The following MTIF2 variants were observed in gnomAD, a reference collection of about 807,000 sequenced individuals.
The protein encoded by MTIF2 is mitochondrial translational initiation factor 2.
A neutral mutation model predicts 83.5 loss-of-function variants in MTIF2; 71 were observed. That is an observed-to-expected ratio of 0.85 (90% CI 0.70 to 1.04). The LOEUF (loss-of-function observed/expected upper bound fraction) is 1.04, where lower values mean the gene tolerates loss of function less well. Ranked by LOEUF, MTIF2 falls within the 50% of genes least tolerant of loss-of-function variation. MTIF2 has a pLI of 0.00. For missense variants in MTIF2, 957 were observed against 846.5 expected (o/e 1.13, Z -1.62); for synonymous variants, 319 against 287.1 (o/e 1.11, Z -1.12).
At chr2:55,239,252 A>T (rs1676120791) in intron 14 of MTIF2, among the ~76,000 whole-genome samples, 1 of 151,714 alleles carries the variant, frequency 6.6e-6, no homozygotes, top group Admixed American at 6.5e-5. Context: ...TTAGTTCTGT[A>T]GTTTTATAAG....
intron 5 of MTIF2, among the ~76,000 whole-genome samples, chr2:55,255,368 A>C (rs1167937058): frequency 6.8e-6 from 1 of 147,796 alleles, no homozygotes; most frequent in Non-Finnish European, 1.5e-5. Context: ...TTCTGTTTAA[A>C]GATACTATAT....
At position 55,236,700 on chromosome 2, in the gene MTIF2, CAA is replaced by C; in HGVS notation, c.2130_2131del (p.Cys711LeufsTer2). 1 of 1,604,526 alleles carries C rather than the reference CAA, an allele frequency of 6.2e-7. No individual in the cohort carries two copies. The highest frequency in any genetic ancestry group is 8.5e-7 in the Non-Finnish European group (1 of 1,177,378). ...GGCTTGAATTTGCTTTTCTTCATAA[CAA>C]ACAATTCTGTCTCCCACTTGAAATT... On this transcript the variant is annotated frameshift_variant, in exon 16 of 16. Coordinates refer to ENST00000263629, the MANE Select transcript of MTIF2 (RefSeq NM_002453.3). LOFTEE classifies it high-confidence loss of function.
rs370974618 is a variant in MTIF2 at position 55,240,060 on chromosome 2, T to C, written c.1821A>G (p.Gln607=). Residue 607 remains glutamine (Q), a synonymous_variant, in exon 14 of 16, where the codon CAA becomes CAG. Coordinates refer to ENST00000263629, the MANE Select transcript of MTIF2 (RefSeq NM_002453.3). ...AGGGTAATCTGCTGCTCAGTTCCTC[T>C]TGCAAATCTTCAACAAGACGGTAAA... The part of the protein sequence containing the change: ...KIIYRLVEDL[Q]EELSSRLPCA... The C allele has an allele frequency of 4.3e-6, 7 of 1,613,448 alleles. No individual in the cohort carries two copies. In the East Asian group the frequency reaches 8.9e-5, roughly 21 times the overall value.
chr2:55,240,088 AT>A lies in MTIF2; in HGVS notation c.1792del (p.Ile598Ter), dbSNP rs1676191328. The A allele has an allele frequency of 6.2e-7, 1 of 1,613,858 alleles. No individual in the cohort carries two copies. The highest frequency in any genetic ancestry group is 8.5e-7 in the Non-Finnish European group (1 of 1,179,988). ...CAAATCTTCAACAAGACGGTAAATT[AT>A]TTTGTGAAGTTTAATTTTTACTCCT... ...KKGVKIKLHK[I>X]IYRLVEDLQE... On this transcript the variant is annotated frameshift_variant, in exon 14 of 16. Coordinates refer to ENST00000263629, the MANE Select transcript of MTIF2 (RefSeq NM_002453.3). LOFTEE classifies it high-confidence loss of function.
intron 5 of MTIF2, among the ~76,000 whole-genome samples, chr2:55,261,050 G>A (rs1408330037): frequency 1.3e-5 from 2 of 151,262 alleles, no homozygotes; most frequent in South Asian, 2.1e-4. Context: ...GCAGTGGCGC[G>A]ATCTCGGCTC....
chr2:55,257,841 G>A (rs1302973668), intron 5 of MTIF2, among the ~76,000 whole-genome samples: 1 of 152,178 alleles, frequency 6.6e-6, no homozygotes, highest in Middle Eastern at 3.2e-3. Context: ...TGTCGCCCTG[G>A]CTGGAGTGCA....
At chr2:55,245,167 A>C (rs144824942) in intron 10 of MTIF2, among the ~76,000 whole-genome samples, 203 of 152,370 alleles carry the variant, frequency 1.3e-3, no homozygotes, top group African/African-American at 4.7e-3. Flanking sequence ...AGCCAGTTAC[A>C]AATGGACACA....
Position 55,244,229 on chromosome 2 carries a change from C to G in MTIF2, c.1111G>C (p.Val371Leu). Reference sequence around the variant, plus strand: ...CCTCTTTGAATTATAGCTGTAGTAACAAGACTAAAATGAAAATAAAAGTAT... The same window carrying G: ...CCTCTTTGAATTATAGCTGTAGTAAGAAGACTAAAATGAAAATAAAAGTAT... ...ESFTDKGRGLVTTAIIQRGTL... is the reference protein window; with the variant it reads ...ESFTDKGRGLLTTAIIQRGTL... The change falls in exon 11 of 16, where the codon GTT becomes CTT. Residue 371 changes from valine (V) to leucine (L), a missense_variant. Coordinates refer to ENST00000263629, the MANE Select transcript of MTIF2 (RefSeq NM_002453.3). 1 of 1,607,692 alleles carries G rather than the reference C, an allele frequency of 6.2e-7. No homozygotes were observed. Among genetic ancestry groups the G allele is most frequent in the Non-Finnish European group, 8.5e-7 (1 of 1,174,722 alleles).
intron 10 of MTIF2, 23 bp downstream of exon 10, chr2:55,246,313 AG>A (rs1185745144): frequency 6.4e-7 from 1 of 1,572,446 alleles, no homozygotes; most frequent in South Asian, 1.2e-5. Flanking sequence ...CAAATTAAAA[AG>A]GCAAGCATTT....
intron 5 of MTIF2, among the ~76,000 whole-genome samples, chr2:55,255,707 A>G (rs1478552085): frequency 1.3e-5 from 2 of 151,818 alleles, no homozygotes; most frequent in African/African-American, 4.8e-5. Context: ...AAAATGTGAA[A>G]AAAAGTGACA....
At chr2:55,251,110 C>CAAAAAAA (rs57949152) in intron 8 of MTIF2, among the ~76,000 whole-genome samples, 2 of 71,146 alleles carry the variant, frequency 2.8e-5, no homozygotes, top group African/African-American at 1.1e-4. Flanking sequence ...AACTCCGTCT[C>CAAAAAAA]AAAAAAAAAA....
intron 14 of MTIF2, among the ~76,000 whole-genome samples, chr2:55,239,013 A>C (rs895145866): frequency 3.3e-5 from 5 of 152,238 alleles, no homozygotes; most frequent in African/African-American, 1.2e-4. Context: ...TACATTCTAC[A>C]AAATAGCTGT....
intron 8 of MTIF2, among the ~76,000 whole-genome samples, chr2:55,250,133 C>T (rs1343930462): frequency 6.6e-6 from 1 of 152,092 alleles, no homozygotes; most frequent in African/African-American, 2.4e-5. Context: ...CCTGGGTATA[C>T]TGGTGGATTG....
intron 7 of MTIF2, 144 bp downstream of exon 7, chr2:55,253,897 A>G: frequency 1.2e-6 from 1 of 835,590 alleles, no homozygotes; most frequent in Non-Finnish European, 1.8e-6. Context: ...TTTACTAACC[A>G]CTTGCTCTAC....
At chr2:55,250,229 A>C (rs1676997407) in intron 8 of MTIF2, among the ~76,000 whole-genome samples, 1 of 152,114 alleles carries the variant, frequency 6.6e-6, no homozygotes, top group African/African-American at 2.4e-5. Context: ...GTGTACAAAA[A>C]GCCATGTAAG....
At chr2:55,246,278 T>C in intron 10 of MTIF2, 59 bp downstream of exon 10, 1 of 1,515,442 alleles carries the variant, frequency 6.6e-7, no homozygotes, top group East Asian at 2.3e-5. Flanking sequence ...CATTGTCATA[T>C]AATCAAGTCA....
chr2:55,237,240 G>A (rs1278597736), intron 15 of MTIF2, 48 bp downstream of exon 15: 3 of 1,570,982 alleles, frequency 1.9e-6, no homozygotes, highest in African/African-American at 2.7e-5. Flanking sequence ...TAGTCAACAG[G>A]TCTTGGTGAC....
chr2:55,255,861 A>G (rs998112697), intron 5 of MTIF2, among the ~76,000 whole-genome samples: 2 of 151,904 alleles, frequency 1.3e-5, no homozygotes, highest in East Asian at 1.9e-4. Context: ...ACTGCAAGAG[A>G]ACCTGAGTAC....
intron 8 of MTIF2, among the ~76,000 whole-genome samples, chr2:55,251,003 G>C (rs922834187): frequency 6.6e-6 from 1 of 151,134 alleles, no homozygotes; most frequent in Non-Finnish European, 1.5e-5. Context: ...CCAGCTATTC[G>C]GGAGGCTGAG....
Sources: allele counts gnomAD v4.1 joint callset (sites outside exome capture counted in the v4.1 genomes callset), GRCh38; gene constraint gnomAD v4.1.1; transcripts MANE v1.5; gene names NCBI Gene and HGNC (gene_info 2026-07-23, HGNC 2026-07-21).